The following RNF217 variants were observed in gnomAD, a reference collection of about 807,000 sequenced individuals.
RNF217 encodes E3 ubiquitin-protein ligase RNF217.
A neutral mutation model predicts 57.8 loss-of-function variants in RNF217; 31 were observed. The observed-to-expected ratio is 0.54, with a 90% CI of 0.40 to 0.72. The LOEUF (loss-of-function observed/expected upper bound fraction) is 0.72. Ranked by LOEUF, RNF217 falls within the 30% of genes least tolerant of loss-of-function variation. RNF217 has a pLI of 0.00. For missense variants in RNF217, 696 were observed against 708.3 expected (o/e 0.98, Z 0.20); for synonymous variants, 313 against 294.0 (o/e 1.06, Z -0.66).
chr6:125,029,208 T>C (rs946457638), intron 1 of RNF217, among the ~76,000 whole-genome samples: 1 of 152,206 alleles, frequency 6.6e-6, no homozygotes, highest in Non-Finnish European at 1.5e-5. Context: ...AATCCAGTAA[T>C]ATTTTTAAGA....
chr6:124,995,573 G>A (rs955510437), intron 1 of RNF217, among the ~76,000 whole-genome samples: 4 of 152,036 alleles, frequency 2.6e-5, no homozygotes, highest in African/African-American at 4.8e-5. Flanking sequence ...TTTCATTGTT[G>A]TTTTGGAGTT....
chr6:125,076,812 C>G lies in RNF217; in HGVS notation c.1437C>G (p.Leu479=). The change falls in exon 4 of 6, where the codon CTC becomes CTG. Residue 479 remains leucine, a synonymous_variant. Transcript: ENST00000521654. ...LSIFGCKYRY[L]PERPHLRRLV... ...TATTTGGATGCAAATATCGCTACCT[C>G]CCAGAGAGACCTCATTTAAGGAGAT... 1 of 1,613,576 alleles carries G rather than the reference C, an allele frequency of 6.2e-7. No individual in the cohort carries two copies. The highest frequency in any genetic ancestry group is 8.5e-7 in the Non-Finnish European group (1 of 1,179,712).
At chr6:125,056,563 C>A (rs1383564636) in intron 2 of RNF217, among the ~76,000 whole-genome samples, 1 of 152,108 alleles carries the variant, frequency 6.6e-6, no homozygotes, top group African/African-American at 2.4e-5. Context: ...GAGTTATTAA[C>A]AGAAGAGCTG....
At chr6:125,052,164 G>C (rs950359995) in intron 2 of RNF217, among the ~76,000 whole-genome samples, 1 of 151,878 alleles carries the variant, frequency 6.6e-6, no homozygotes, top group African/African-American at 2.4e-5. Context: ...TGAGGTGAAT[G>C]CATTGTGCAA....
chr6:124,972,660 G>A (rs1348906644), intron 1 of RNF217, among the ~76,000 whole-genome samples: 1 of 152,024 alleles, frequency 6.6e-6, no homozygotes, highest in Non-Finnish European at 1.5e-5. Context: ...TACCTTTAGT[G>A]ATATGAAGTT....
intron 1 of RNF217, among the ~76,000 whole-genome samples, chr6:124,995,719 C>G (rs1360979383): frequency 6.6e-6 from 1 of 151,938 alleles, no homozygotes; most frequent in African/African-American, 2.4e-5. Context: ...GTCAGGAGTT[C>G]GAGACCAGCC....
At chr6:125,017,631 G>A (rs1002478962) in intron 1 of RNF217, among the ~76,000 whole-genome samples, 12 of 152,096 alleles carry the variant, frequency 7.9e-5, no homozygotes, top group Admixed American at 6.6e-4. Context: ...TGTTCTATAG[G>A]CCTTTAAGCT....
intron 1 of RNF217, among the ~76,000 whole-genome samples, chr6:125,016,230 A>C (rs1582711720): frequency 6.6e-6 from 1 of 152,312 alleles, no homozygotes; most frequent in East Asian, 1.9e-4. Context: ...GCTTTAAGAA[A>C]TTTCTCAAAA....
intron 1 of RNF217, among the ~76,000 whole-genome samples, chr6:124,984,857 A>G (rs957252516): frequency 6.6e-5 from 10 of 152,188 alleles, no homozygotes; most frequent in Admixed American, 2.6e-4. Context: ...CAGGGGGAAA[A>G]TGATACTATA....
At chr6:125,074,209 G>A (rs1015778677) in intron 3 of RNF217, among the ~76,000 whole-genome samples, 4 of 152,052 alleles carry the variant, frequency 2.6e-5, no homozygotes, top group African/African-American at 4.8e-5. Flanking sequence ...CCTGTAATAT[G>A]CTGTGTTCCA....
chr6:125,033,544 A>G (rs1786458684), intron 1 of RNF217, among the ~76,000 whole-genome samples: 2 of 148,528 alleles, frequency 1.3e-5, no homozygotes, highest in African/African-American at 4.9e-5. Context: ...TTATGGCTGC[A>G]TAGTATTCCA....
intron 3 of RNF217, among the ~76,000 whole-genome samples, chr6:125,073,022 G>A (rs980922368): frequency 1.3e-5 from 2 of 152,166 alleles, no homozygotes; most frequent in Non-Finnish European, 2.9e-5. Flanking sequence ...GCAAAAATTA[G>A]CGCTCTTTCC....
intron 1 of RNF217, among the ~76,000 whole-genome samples, chr6:124,964,164 A>G (rs756967838): frequency 5.9e-5 from 9 of 152,230 alleles, no homozygotes; most frequent in Non-Finnish European, 1.0e-4. Context: ...GCTTTCCTTC[A>G]CTGACGGTGA....
intron 1 of RNF217, among the ~76,000 whole-genome samples, chr6:124,982,473 A>T (rs1403272775): frequency 6.6e-6 from 1 of 152,132 alleles, no homozygotes; most frequent in Non-Finnish European, 1.5e-5. Flanking sequence ...TATAGCAAAA[A>T]TGTGGTCATT....
At chr6:125,039,399 A>T (rs1283963858) in intron 1 of RNF217, among the ~76,000 whole-genome samples, 1 of 152,192 alleles carries the variant, frequency 6.6e-6, no homozygotes, top group African/African-American at 2.4e-5. Flanking sequence ...AGAAGAGCTA[A>T]CTGTCCTAAA....
At chr6:125,028,768 T>G (rs900225760) in intron 1 of RNF217, among the ~76,000 whole-genome samples, 3 of 151,206 alleles carry the variant, frequency 2.0e-5, no homozygotes, top group African/African-American at 7.3e-5. Flanking sequence ...AAAATAAGGT[T>G]TTTTTTTTAG....
At chr6:125,015,963 G>C (rs1402569053) in intron 1 of RNF217, among the ~76,000 whole-genome samples, 2 of 152,136 alleles carry the variant, frequency 1.3e-5, no homozygotes, top group East Asian at 1.9e-4. Context: ...CTTAAAAAAT[G>C]TGTGAAGAAA....
chr6:124,984,718 G>A (rs1317224379), intron 1 of RNF217, among the ~76,000 whole-genome samples: 1 of 152,016 alleles, frequency 6.6e-6, no homozygotes, highest in Non-Finnish European at 1.5e-5. Context: ...CAAATTTTAA[G>A]TGTACTAGTA....
chr6:125,037,521 AT>A (rs760505494), intron 1 of RNF217, among the ~76,000 whole-genome samples: 43 of 152,270 alleles, frequency 2.8e-4, no homozygotes, highest in Admixed American at 5.2e-4. Context: ...TTTTTAAATC[AT>A]TTTTAGAAAA....
Sources: allele counts gnomAD v4.1 joint callset (sites outside exome capture counted in the v4.1 genomes callset), GRCh38; gene constraint gnomAD v4.1.1; transcripts MANE v1.5; gene names NCBI Gene and HGNC (gene_info 2026-07-23, HGNC 2026-07-21).